The following KPNA1 variants were observed in gnomAD, a reference collection of about 807,000 sequenced individuals.
The protein encoded by KPNA1 is importin subunit alpha-5.
A neutral mutation model predicts 70.5 loss-of-function variants in KPNA1; 10 were observed. The observed-to-expected ratio is 0.14, with a 90% confidence interval of 0.09 to 0.24. The LOEUF is 0.24. KPNA1 is among the 10% of genes least tolerant of loss of function. The probability of loss-of-function intolerance (pLI) is 1.00; values close to 1 mark genes in which losing one functional copy is unlikely to be tolerated. For synonymous variants in KPNA1, 192 were observed against 221.9 expected, an observed-to-expected ratio of 0.87 and a Z score of 1.20; for missense variants, 397 against 637.9, an observed-to-expected ratio of 0.62 and a Z score of 4.07.
intron 1 of KPNA1, among the ~76,000 whole-genome samples, chr3:122,509,936 G>T (rs1030065397): frequency 1.6e-4 from 24 of 152,150 alleles, no homozygotes; most frequent in African/African-American, 5.8e-4. Flanking sequence ...CATCATCATG[G>T]AATTTTGAGG....
intron 3 of KPNA1, among the ~76,000 whole-genome samples, chr3:122,466,470 C>CATAT (rs200338325): frequency 2.0e-5 from 3 of 150,816 alleles, no homozygotes; most frequent in African/African-American, 7.3e-5. Context: ...TGTGTGTACA[C>CATAT]ATATATATAT....
chr3:122,477,385 T>C (rs2076514540), intron 2 of KPNA1, among the ~76,000 whole-genome samples: 1 of 152,116 alleles, frequency 6.6e-6, no homozygotes. Context: ...TAACAGTATA[T>C]TGTACATTTG....
At chr3:122,496,319 A>AACAC (rs9289194) in intron 2 of KPNA1, 118 bp downstream of exon 2, 6,991 of 439,234 alleles carry the variant, frequency 0.016, 53 homozygotes, top group South Asian at 0.037. Context: ...AGAAGGGGAA[A>AACAC]ACACACACAC....
At chr3:122,477,437 C>T (rs2107475110) in intron 2 of KPNA1, among the ~76,000 whole-genome samples, 1 of 152,284 alleles carries the variant, frequency 6.6e-6, no homozygotes, top group South Asian at 2.1e-4. Context: ...TGATGGCTCA[C>T]ACCTGAAATC....
intron 2 of KPNA1, among the ~76,000 whole-genome samples, chr3:122,496,017 G>C (rs2076756327): frequency 6.6e-6 from 1 of 152,020 alleles, no homozygotes; most frequent in African/African-American, 2.4e-5. Flanking sequence ...TTATGTATGA[G>C]GTTTATTCTT....
In KPNA1 at chr3:122,433,753, A is replaced by G; in HGVS notation, c.1158T>C (p.Ile386=). 1.2e-6 allele frequency: 2 copies of G among 1,612,600 alleles called. No homozygotes were observed. The highest frequency in any genetic ancestry group is 1.7e-5 in the Admixed American group (1 of 59,758). The change falls in exon 12 of 14, where the codon ATT becomes ATC. Residue 386 remains isoleucine, a synonymous_variant. Transcript: ENST00000344337. ...GAAATTCAGCAGTTTGTAAAATACT[A>G]ATGAGGGCTGGGAAAATGTTGGCAT... The part of the protein sequence containing the change: ...VIDANIFPAL[I]SILQTAEFRT...
intron 9 of KPNA1, among the ~76,000 whole-genome samples, chr3:122,446,769 C>A (rs1224678617): frequency 2.6e-5 from 4 of 152,084 alleles, no homozygotes; most frequent in Non-Finnish European, 4.4e-5. Context: ...AATTGATAGA[C>A]CGCTAGCAAG....
At chr3:122,457,478 C>G (rs1303860673) in intron 5 of KPNA1, among the ~76,000 whole-genome samples, 1 of 152,050 alleles carries the variant, frequency 6.6e-6, no homozygotes, top group Non-Finnish European at 1.5e-5. Flanking sequence ...TTGTTTTAAA[C>G]TACTATATTC....
chr3:122,431,047 A>G (rs1301349436), intron 12 of KPNA1, among the ~76,000 whole-genome samples: 1 of 152,252 alleles, frequency 6.6e-6, no homozygotes, highest in Non-Finnish European at 1.5e-5. Flanking sequence ...CACTTCTTTG[A>G]TGAATGTTTC....
At chr3:122,492,495 ATATTT>A (rs2076711856) in intron 2 of KPNA1, among the ~76,000 whole-genome samples, 1 of 152,142 alleles carries the variant, frequency 6.6e-6, no homozygotes, top group Non-Finnish European at 1.5e-5. Flanking sequence ...ATTAATTTTA[ATATTT>A]TATTTAACCC....
At position 122,463,035 on chromosome 3, in the gene KPNA1, T is replaced by C. The variant is rs141588187; in HGVS notation, c.337+907A>G. ...GATATCGAGATCATCCTGGCCAACATGGTGAAATCCTATCTCTACTAAAAA... is the reference window on the plus strand; with the variant it reads ...GATATCGAGATCATCCTGGCCAACACGGTGAAATCCTATCTCTACTAAAAA... On this transcript the variant is annotated intron_variant, in intron 4 of 13. Transcript: ENST00000344337. 7.6e-3 allele frequency among the ~76,000 whole-genome samples: 1,148 copies of C among 151,866 alleles called. 17 individuals carry two copies. The highest frequency in any genetic ancestry group is 0.025 in the African/African-American group (1,019 of 41,384).
At chr3:122,476,869 A>AAAAAAAAAAAAAAAAAC (rs2076504887) in intron 2 of KPNA1, among the ~76,000 whole-genome samples, 2 of 149,648 alleles carry the variant, frequency 1.3e-5, no homozygotes, top group Non-Finnish European at 3.0e-5. Context: ...CACAAAAAAA[A>AAAAAAAAAAAAAAAAAC]AAAAAAAAAA....
rs370667141 is a variant in KPNA1, at chr3:122,463,939, C to T, written c.337+3G>A. 2.0e-5 allele frequency: 31 copies of T among 1,554,392 alleles called. No homozygotes were observed. The highest frequency in any genetic ancestry group is 2.6e-5 in the Non-Finnish European group (29 of 1,130,522). On this transcript the variant is annotated splice_donor_region_variant and intron_variant, in intron 4 of 13. Coordinates refer to ENST00000344337, the MANE Select transcript of KPNA1 (RefSeq NM_002264.4). ...AAATATACTGAACATATTCATAGCT[C>T]ACCTTTTGAAAGCAGCTTCCTGAAT...
At chr3:122,480,401 G>C (rs1271873944) in intron 2 of KPNA1, among the ~76,000 whole-genome samples, 1 of 151,690 alleles carries the variant, frequency 6.6e-6, no homozygotes, top group East Asian at 1.9e-4. Context: ...AGAAATCTCT[G>C]TACTATCTGT....
Position 122,437,167 on chromosome 3 carries a change from T to C in KPNA1, c.1122+3A>G, listed in dbSNP as rs780021110. On this transcript the variant is annotated splice_donor_region_variant and intron_variant, in intron 11 of 13. Coordinates refer to ENST00000344337, the MANE Select transcript of KPNA1 (RefSeq NM_002264.4). ...AAAGAGAAGTTAGGTCCTATGAGGT[T>C]ACCTGGATCTGTGCCCTATTTCCAG... 1 of 1,611,416 alleles carries C rather than the reference T, an allele frequency of 6.2e-7. No homozygotes were observed. The highest frequency in any genetic ancestry group is 1.1e-5 in the South Asian group (1 of 90,212).
At chr3:122,477,875 A>T (rs1560043214) in intron 2 of KPNA1, among the ~76,000 whole-genome samples, 4 of 145,116 alleles carry the variant, frequency 2.8e-5, no homozygotes, top group Non-Finnish European at 3.0e-5. Flanking sequence ...AAAAAAAAAA[A>T]TGTCCAGGCT....
chr3:122,431,714 G>A (rs185640850), intron 12 of KPNA1, among the ~76,000 whole-genome samples: 67 of 152,094 alleles, frequency 4.4e-4, no homozygotes, highest in African/African-American at 1.3e-3. Flanking sequence ...GCAATTCTGC[G>A]CTTCTCTAAC....
chr3:122,477,149 T>G (rs563815677), intron 2 of KPNA1, among the ~76,000 whole-genome samples: 1 of 152,220 alleles, frequency 6.6e-6, no homozygotes, highest in East Asian at 1.9e-4. Flanking sequence ...TGGAGGATAT[T>G]ATGTTAAGGC....
rs191587082 is a variant in KPNA1 at position 122,494,190 on chromosome 3, G to A, written c.129+2247C>T. Among the ~76,000 whole-genome samples the A allele has an allele frequency of 2.2e-3, 337 of 152,122 alleles. 2 individuals carry two copies. Among genetic ancestry groups the A allele is most frequent in the African/African-American group, 7.9e-3 (328 of 41,496 alleles). On this transcript the variant is annotated intron_variant, in intron 2 of 13. Coordinates refer to ENST00000344337, the MANE Select transcript of KPNA1 (RefSeq NM_002264.4). ...ATTTTTGGTTTTGTTTCCTTTTGAG[G>A]ACTTACTCATAAATTCTTTGCTTAG...
Sources: gnomAD v4.1 joint callset for allele counts (sites outside exome capture counted in the v4.1 genomes callset) on GRCh38, gnomAD v4.1.1 for gene constraint, MANE v1.5 for transcripts, NCBI Gene and HGNC (gene_info 2026-07-23, HGNC 2026-07-21) for gene names.